The following DUXA variants were observed in gnomAD, a reference collection of about 807,000 sequenced individuals.
DUXA encodes double homeobox protein A.
In DUXA, 25 loss-of-function variants were observed where a neutral mutation model predicts 27.5. That is an observed-to-expected ratio of 0.91 (90% CI 0.66 to 1.27). The LOEUF is 1.27. Among genes scored for constraint, DUXA ranks in the 50% most tolerant of loss-of-function variants. The probability of loss-of-function intolerance (pLI) is 0.00; values close to 1 mark genes in which losing one functional copy is unlikely to be tolerated. For missense variants in DUXA, 247 were observed against 242.9 expected, an observed-to-expected ratio of 1.02 and a Z score of -0.11; for synonymous variants, 90 against 80.5, an observed-to-expected ratio of 1.12 and a Z score of -0.63.
intron 1 of DUXA, among the ~76,000 whole-genome samples, chr19:57,165,964 A>G (rs1047531911): frequency 6.6e-6 from 1 of 152,158 alleles, no homozygotes; most frequent in African/African-American, 2.4e-5. Context: ...CTCAAGTGGC[A>G]AGAGTAGAGA....
At chr19:57,165,324 A>AAAAATATATATATAT (rs1491567041) in intron 1 of DUXA, among the ~76,000 whole-genome samples, 33 of 89,258 alleles carry the variant, frequency 3.7e-4, no homozygotes, top group East Asian at 1.2e-3. Flanking sequence ...AAAAAAAAAA[A>AAAAATATATATATAT]ATATATATAT....
At chr19:57,162,835 C>T (rs1398780414) in intron 1 of DUXA, among the ~76,000 whole-genome samples, 1 of 152,102 alleles carries the variant, frequency 6.6e-6, no homozygotes, top group African/African-American at 2.4e-5. Context: ...TGGCCTACCA[C>T]ATTGCTGGGA....
At chr19:57,164,801 A>G (rs1206478278) in intron 1 of DUXA, among the ~76,000 whole-genome samples, 4 of 152,140 alleles carry the variant, frequency 2.6e-5, no homozygotes, top group Admixed American at 6.6e-5. Context: ...CCTTTGTGTT[A>G]CACAGGATAT....
Position 57,167,438 on chromosome 19 carries a change from G to T in DUXA, c.6C>A (p.Ala2=). The T allele has an allele frequency of 1.2e-6, 2 of 1,613,602 alleles. No individual in the cohort carries two copies. Residue 2 remains alanine, a synonymous_variant, in exon 1 of 6, where the codon GCC becomes GCA. Coordinates refer to ENST00000554048, the MANE Select transcript of DUXA (RefSeq NM_001012729.2). M[A]EDTYSHKMVK... Reference sequence around the variant, plus strand: ...ACTTACTGTGTGAATAGGTGTCTTCGGCCATGCTGGAAGAGAGTCCTGAAG... The same window carrying T: ...ACTTACTGTGTGAATAGGTGTCTTCTGCCATGCTGGAAGAGAGTCCTGAAG...
In DUXA at chr19:57,159,560, G is replaced by A. The variant is rs200263135; in HGVS notation, c.181-282C>T. Among the ~76,000 whole-genome samples the A allele has an allele frequency of 2.0e-4, 31 of 152,066 alleles. No homozygotes were observed. In the East Asian group the frequency reaches 5.7e-3, roughly 28 times the overall value. ...CCCAAGGAGCTGGGATTATAGGTGT[G>A]TGCCATCATGCCTGGCTAATTTTTG... is the stretch of plus-strand genomic sequence containing the variant. On this transcript the variant is annotated intron_variant, in intron 2 of 5. Transcript: ENST00000554048.
chr19:57,157,486 C>T (rs753319113), intron 4 of DUXA, among the ~76,000 whole-genome samples: 1 of 151,994 alleles, frequency 6.6e-6, no homozygotes, highest in South Asian at 2.1e-4. Flanking sequence ...CATGAGCCAC[C>T]GTGCCCGGTT....
At chr19:57,159,356 C>A in intron 2 of DUXA, 78 bp from the exon 3 acceptor site, 1 of 1,297,912 alleles carries the variant, frequency 7.7e-7, no homozygotes, top group South Asian at 1.3e-5. Context: ...CCAAAGTGAG[C>A]AATTCTTATT....
chr19:57,161,211 G>C (rs62131264), intron 1 of DUXA, among the ~76,000 whole-genome samples: 70,553 of 150,680 alleles, frequency 0.47, 17,789 homozygotes, highest in Non-Finnish European at 0.58. Context: ...TGTAATCCCA[G>C]CTACTCAGGA....
chr19:57,160,641 ACCT>A lies in DUXA; in HGVS notation c.179_180+1del. On this transcript the variant is annotated splice_donor_variant and coding_sequence_variant, in exon 2 of 6. Transcript: ENST00000554048. LOFTEE classifies it high-confidence loss of function. ...TCCTGGAGATATTGAACTTTAACTT[ACCT>A]GGATTCTGGACTCTTCTGTATTGAT... The A allele has an allele frequency of 6.2e-7, 1 of 1,611,976 alleles. No homozygotes were observed. Among genetic ancestry groups the A allele is most frequent in the Non-Finnish European group, 8.5e-7 (1 of 1,179,904 alleles).
At position 57,159,168 on chromosome 19, in the gene DUXA, T is replaced by G. The variant is rs139535837; in HGVS notation, c.291A>C (p.Gln97His). The G allele has an allele frequency of 6.2e-7, 1 of 1,612,658 alleles. No individual in the cohort carries two copies. Among genetic ancestry groups the G allele is most frequent in the African/African-American group, 1.3e-5 (1 of 74,846 alleles). ...QGQDQPGVEF[Q>H]SREARRCRTT... ...AACAGAACTAAGAGGGTTATTTACT[T>G]TGAAACTCCACACCAGGTTGATCTT... The change falls in exon 3 of 6, where the codon CAA (glutamine) becomes CAC (histidine). Residue 97 changes from glutamine to histidine, a missense_variant and splice_region_variant. By Grantham distance (24) the Gln-to-His change is conservative. Coordinates refer to ENST00000554048, the MANE Select transcript of DUXA (RefSeq NM_001012729.2).
chr19:57,158,333 C>T lies in DUXA; in HGVS notation c.433G>A (p.Val145Ile). The T allele has an allele frequency of 6.2e-7, 1 of 1,612,022 alleles. No individual in the cohort carries two copies. Among genetic ancestry groups the T allele is most frequent in the Non-Finnish European group, 8.5e-7 (1 of 1,179,828 alleles). The part of the protein sequence containing the change: ...AKEIGVPESR[V>I]QIWFQNRRSR... ...ACCACCTTCTTATCACTCACTTGGA[C>T]TCTTGACTCTGGAACACCGATTTCT... is the stretch of plus-strand genomic sequence containing the variant. Residue 145 changes from valine to isoleucine, a missense_variant, in exon 4 of 6, where the codon GTC becomes ATC. Physicochemically the swap from Val to Ile is conservative, Grantham distance 29. Transcript: ENST00000554048.
At chr19:57,161,398 C>A (rs1318247849) in intron 1 of DUXA, among the ~76,000 whole-genome samples, 1 of 143,894 alleles carries the variant, frequency 6.9e-6, no homozygotes, top group Non-Finnish European at 1.5e-5. Context: ...CCGAGGCGGG[C>A]GGATCACAAG....
At chr19:57,161,387 GC>G (rs2087021228) in intron 1 of DUXA, among the ~76,000 whole-genome samples, 1 of 145,242 alleles carries the variant, frequency 6.9e-6, no homozygotes, top group African/African-American at 2.6e-5. Flanking sequence ...ACTTTGGGAG[GC>G]CGAGGCGGGC....
At chr19:57,163,336 G>A (rs1400324279) in intron 1 of DUXA, among the ~76,000 whole-genome samples, 1 of 152,030 alleles carries the variant, frequency 6.6e-6, no homozygotes, top group African/African-American at 2.4e-5. Flanking sequence ...TTGTAGAGAT[G>A]GCCTTTCCCT....
rs569911797 is a variant in DUXA, at chr19:57,160,201, C to T, written c.180+442G>A. 1.8e-4 allele frequency among the ~76,000 whole-genome samples: 27 copies of T among 152,214 alleles called. No homozygotes were observed. The South Asian group carries it at 4.6e-3, about 26-fold the overall frequency. On this transcript the variant is annotated intron_variant, in intron 2 of 5. Coordinates refer to ENST00000554048, the MANE Select transcript of DUXA (RefSeq NM_001012729.2). ...GCTTGAGACCGGGATTTCAAGGCTT[C>T]GGTGAGCCTTGATTGTGCCCCTGCA... is the stretch of plus-strand genomic sequence containing the variant.
In DUXA at chr19:57,165,104, T is replaced by C. The variant is rs73632718; in HGVS notation, c.25+2315A>G. Among the ~76,000 whole-genome samples, 1,090 of 152,026 alleles carry C rather than the reference T, an allele frequency of 7.2e-3. 11 individuals carry two copies. Among genetic ancestry groups the C allele is most frequent in the African/African-American group, 0.025 (1,045 of 41,498 alleles). On this transcript the variant is annotated intron_variant, in intron 1 of 5. Coordinates refer to ENST00000554048, the MANE Select transcript of DUXA (RefSeq NM_001012729.2). ...CTCTGGAGCTCCACAGGCCATACTT[T>C]GAAAACAAGTGCCCTAAAATAAATC...
chr19:57,159,207 G>T lies in DUXA; in HGVS notation c.252C>A (p.Ser84Arg), dbSNP rs1192206510. 1 of 1,614,050 alleles carries T rather than the reference G, an allele frequency of 6.2e-7. No homozygotes were observed. Among genetic ancestry groups the T allele is most frequent in the Non-Finnish European group, 8.5e-7 (1 of 1,180,036 alleles). Residue 84 changes from serine to arginine, a missense_variant, in exon 3 of 6, where the codon AGC (serine) becomes AGA (arginine). Transcript: ENST00000554048. ...KRPEAETLES[S>R]QSQGQDQPGV... Reference sequence around the variant, plus strand: ...CAGGTTGATCTTGCCCCTGGCTCTGGCTTGATTCTAAAGTCTCAGCTTCTG... The same window carrying T: ...CAGGTTGATCTTGCCCCTGGCTCTGTCTTGATTCTAAAGTCTCAGCTTCTG...
intron 1 of DUXA, among the ~76,000 whole-genome samples, chr19:57,165,968 G>GT (rs2087052442): frequency 6.6e-6 from 1 of 152,160 alleles, no homozygotes; most frequent in South Asian, 2.1e-4. Flanking sequence ...AGTGGCAAGA[G>GT]TAGAGAGTGC....
At chr19:57,161,946 G>GT (rs1447748267) in intron 1 of DUXA, among the ~76,000 whole-genome samples, 1 of 151,964 alleles carries the variant, frequency 6.6e-6, no homozygotes, top group East Asian at 1.9e-4. Flanking sequence ...ATGGAGTGCA[G>GT]TGGCGCAATC....
Sources: allele counts gnomAD v4.1 joint callset (sites outside exome capture counted in the v4.1 genomes callset), GRCh38; gene constraint gnomAD v4.1.1; transcripts MANE v1.5; gene names NCBI Gene and HGNC (gene_info 2026-07-23, HGNC 2026-07-21).